Variants in PLIN3 observed in about 807,000 individuals in gnomAD.
The protein encoded by PLIN3 is perilipin 3.
In PLIN3, 30 loss-of-function variants were observed where a neutral mutation model predicts 35.9. That is an observed-to-expected ratio of 0.84 (90% CI 0.62 to 1.13). PLIN3 has a LOEUF of 1.13. Ranked by LOEUF, PLIN3 falls within the 50% of genes most tolerant of loss-of-function variation. The pLI is 0.00. For synonymous variants in PLIN3, 261 were observed against 262.5 expected, an observed-to-expected ratio of 0.99 and a Z score of 0.06; for missense variants, 603 against 596.9, an observed-to-expected ratio of 1.01 and a Z score of -0.11.
chr19:4,856,285 G>A lies in PLIN3; in HGVS notation c.348+3305C>T, dbSNP rs147832461. On this transcript the variant is annotated intron_variant, in intron 4 of 7. Transcript: ENST00000221957. Reference sequence around the variant, plus strand: ...CTTAATAAGCATCTATCTGCAGGGCGCGGTGGCTCACACCTGTAATCCCAG... The same window carrying A: ...CTTAATAAGCATCTATCTGCAGGGCACGGTGGCTCACACCTGTAATCCCAG... Among the ~76,000 whole-genome samples, 99 of 152,210 alleles carry A rather than the reference G, an allele frequency of 6.5e-4. 2 individuals are homozygous for A. The East Asian group carries it at 0.016, about 25-fold the overall frequency.
At chr19:4,843,454 G>A (rs1260676086) in intron 7 of PLIN3, among the ~76,000 whole-genome samples, 1 of 151,540 alleles carries the variant, frequency 6.6e-6, no homozygotes, top group Non-Finnish European at 1.5e-5. Context: ...CTGGTAGTGA[G>A]CTGAGATTAC....
chr19:4,852,492 G>A (rs537179076), intron 4 of PLIN3, among the ~76,000 whole-genome samples, 191 bp from the exon 5 acceptor site: 1 of 152,272 alleles, frequency 6.6e-6, no homozygotes, highest in East Asian at 1.9e-4. Flanking sequence ...GAGGCAGGGA[G>A]CGCCATCCCC....
At position 4,849,414 on chromosome 19, in the gene PLIN3, C is replaced by T. The variant is rs185872174; in HGVS notation, c.635-1524G>A. Among the ~76,000 whole-genome samples, 268 of 151,038 alleles carry T rather than the reference C, an allele frequency of 1.8e-3. 1 individual carries two copies. The highest frequency in any genetic ancestry group is 3.0e-3 in the Non-Finnish European group (201 of 67,746). On this transcript the variant is annotated intron_variant, in intron 5 of 7. Coordinates refer to ENST00000221957, the MANE Select transcript of PLIN3 (RefSeq NM_005817.5). ...CCTTGAACTCCCAGGCTCAAGTGATCCTCCTGTCTCAGCTCCCAAATAGCA... is the reference window on the plus strand; with the variant it reads ...CCTTGAACTCCCAGGCTCAAGTGATTCTCCTGTCTCAGCTCCCAAATAGCA...
intron 5 of PLIN3, among the ~76,000 whole-genome samples, chr19:4,850,537 C>CA (rs1491505432): frequency 6.6e-6 from 1 of 151,434 alleles, no homozygotes; most frequent in Non-Finnish European, 1.5e-5. Flanking sequence ...TCTCCTGCCT[C>CA]AGTCTCCCGA....
At chr19:4,845,859 G>A (rs1052677108) in intron 6 of PLIN3, among the ~76,000 whole-genome samples, 19 of 150,160 alleles carry the variant, frequency 1.3e-4, no homozygotes, top group African/African-American at 4.4e-4. Flanking sequence ...AGGAGGCAGA[G>A]CTTGCAGTGA....
intron 1 of PLIN3, among the ~76,000 whole-genome samples, chr19:4,862,065 A>C (rs2030694054): frequency 6.6e-6 from 1 of 150,522 alleles, no homozygotes; most frequent in African/African-American, 2.4e-5. Flanking sequence ...CAGCTTCCCA[A>C]GTAACTAGGA....
chr19:4,864,079 C>T (rs1298306137), intron 1 of PLIN3, among the ~76,000 whole-genome samples: 8 of 148,760 alleles, frequency 5.4e-5, no homozygotes, highest in African/African-American at 2.5e-5. Context: ...ACTACAGGCA[C>T]GCACCACCAC....
In PLIN3 at chr19:4,860,659, A is replaced by G. The variant is rs528021069; in HGVS notation, c.67-635T>C. 3.3e-5 allele frequency among the ~76,000 whole-genome samples: 5 copies of G among 152,142 alleles called. No homozygotes were observed. In the South Asian group the frequency reaches 1.0e-3, roughly 32 times the overall value. ...GCCCATGGGTCACAGCCAGCGCACC[A>G]CTTGATTTTTAAATTTTAATTATTT... On this transcript the variant is annotated intron_variant, in intron 2 of 7. Transcript: ENST00000221957.
Position 4,847,816 on chromosome 19 carries a change from C to T in PLIN3, c.709G>A (p.Val237Ile), listed in dbSNP as rs76170548. 3.5e-4 allele frequency: 562 copies of T among 1,613,876 alleles called. 2 individuals are homozygous for T. In the African/African-American group the frequency reaches 6.9e-3, roughly 20 times the overall value. ...QQQRQEQSYF[V>I]RLGSLSERLR... is the part of the protein sequence containing the mutation. ...CTCTCCGACAGGGAGCCCAGACGTA[C>T]GAAGTAGCTCTGTTCCTGCCGCTGC... is the stretch of plus-strand genomic sequence containing the variant. The change falls in exon 6 of 8, where the codon GTA (valine) becomes ATA (isoleucine). Residue 237 changes from valine to isoleucine, a missense_variant. Physicochemically the swap from Val to Ile is conservative, Grantham distance 29. Coordinates refer to ENST00000221957, the MANE Select transcript of PLIN3 (RefSeq NM_005817.5).
At chr19:4,854,960 C>G (rs1352404637) in intron 4 of PLIN3, among the ~76,000 whole-genome samples, 1 of 151,524 alleles carries the variant, frequency 6.6e-6, no homozygotes, top group East Asian at 1.9e-4. Flanking sequence ...ACAAAAAATA[C>G]AAAAATTGGC....
rs2030158037 is a variant in PLIN3, at chr19:4,847,843, G to A, written c.682C>T (p.Gln228Ter). The A allele has an allele frequency of 6.2e-7, 1 of 1,613,982 alleles. No individual in the cohort carries two copies. ...AAGTAGCTCTGTTCCTGCCGCTGCT[G>A]CTGCACGGACGCGACGTCAAAGCCA... ...LDGFDVASVQ[Q>*]QRQEQSYFVR... The change falls in exon 6 of 8, where the codon CAG (glutamine) becomes TAG (stop). Residue 228 changes from glutamine (Q) to a stop codon, truncating the protein, a stop_gained. Coordinates refer to ENST00000221957, the MANE Select transcript of PLIN3 (RefSeq NM_005817.5). LOFTEE classifies it high-confidence loss of function.
chr19:4,862,880 C>T (rs2030719836), intron 1 of PLIN3, among the ~76,000 whole-genome samples: 1 of 152,142 alleles, frequency 6.6e-6, no homozygotes, highest in South Asian at 2.1e-4. Flanking sequence ...CAAGTGTGGC[C>T]AGACACAGTG....
chr19:4,848,648 C>T (rs1414604266), intron 5 of PLIN3, among the ~76,000 whole-genome samples: 1 of 152,228 alleles, frequency 6.6e-6, no homozygotes, highest in African/African-American at 2.4e-5. Flanking sequence ...GGGCAGATCA[C>T]TTGAGGTCAG....
chr19:4,859,471 C>A, intron 4 of PLIN3, 119 bp downstream of exon 4: 1 of 857,226 alleles, frequency 1.2e-6, no homozygotes, highest in East Asian at 2.5e-5. Context: ...GGATGGGAAC[C>A]GACAGGAGAG....
intron 5 of PLIN3, among the ~76,000 whole-genome samples, chr19:4,850,165 C>T (rs899328138): frequency 2.6e-5 from 4 of 151,744 alleles, no homozygotes; most frequent in Non-Finnish European, 5.9e-5. Flanking sequence ...AGGCTTGTCT[C>T]GAACTCCCGA....
rs138745607 is a variant in PLIN3 at position 4,843,049 on chromosome 19, C to T, written c.960+1619G>A. 7.6e-3 allele frequency among the ~76,000 whole-genome samples: 1,145 copies of T among 150,488 alleles called. 13 individuals are homozygous for T. The highest frequency in any genetic ancestry group is 0.027 in the African/African-American group (1,098 of 40,850). On this transcript the variant is annotated intron_variant, in intron 7 of 7. Coordinates refer to ENST00000221957, the MANE Select transcript of PLIN3 (RefSeq NM_005817.5). ...CAGCCTGGCCAACATGGCGAAACCC[C>T]GTGTCTACTAAAAAGTACAAAAATT... is the stretch of plus-strand genomic sequence containing the variant.
At chr19:4,842,208 C>T (rs1436566709) in intron 7 of PLIN3, among the ~76,000 whole-genome samples, 1 of 151,888 alleles carries the variant, frequency 6.6e-6, no homozygotes, top group Non-Finnish European at 1.5e-5. Flanking sequence ...GGGTGGATAA[C>T]TTGAGGTTAG....
At chr19:4,841,527 A>C (rs898455201) in intron 7 of PLIN3, among the ~76,000 whole-genome samples, 1 of 151,924 alleles carries the variant, frequency 6.6e-6, no homozygotes, top group African/African-American at 2.4e-5. Flanking sequence ...ATAGTTGCAC[A>C]ATGCTGAGAA....
Position 4,852,236 on chromosome 19 carries a change from G to T in PLIN3, c.414C>A (p.Ser138Arg), listed in dbSNP as rs143710948. Residue 138 changes from serine to arginine, a missense_variant, in exon 5 of 8, where the codon AGC (serine) becomes AGA (arginine). By Grantham distance (110) the Ser-to-Arg change is moderately radical (BLOSUM62 -1). Coordinates refer to ENST00000221957, the MANE Select transcript of PLIN3 (RefSeq NM_005817.5). ...KVSGAQEMVS[S>R]AKDTVATQLS... is the part of the protein sequence containing the mutation. Reference sequence around the variant, plus strand: ...ATTGGGTGGCCACCGTGTCCTTGGCGCTAGACACCATCTCTTGGGCCCCCG... The same window carrying T: ...ATTGGGTGGCCACCGTGTCCTTGGCTCTAGACACCATCTCTTGGGCCCCCG... 31 of 1,609,598 alleles carry T rather than the reference G, an allele frequency of 1.9e-5. No homozygotes were observed. Among genetic ancestry groups the T allele is most frequent in the Non-Finnish European group, 2.6e-5 (31 of 1,180,004 alleles).
Sources: gnomAD v4.1 joint callset for allele counts (sites outside exome capture counted in the v4.1 genomes callset) on GRCh38, gnomAD v4.1.1 for gene constraint, MANE v1.5 for transcripts, NCBI Gene and HGNC (gene_info 2026-07-23, HGNC 2026-07-21) for gene names.